HIVEP3: variants seen among roughly 807,000 people sequenced by gnomAD.
HIVEP3 encodes transcription factor HIVEP3.
Under a neutral mutation model 152.8 loss-of-function variants are expected in HIVEP3, and 49 were observed. The ratio of observed to expected loss-of-function variants is 0.32; its 90% CI spans 0.26 to 0.41. HIVEP3 has a LOEUF of 0.41. HIVEP3 is among the 10% of genes least tolerant of loss of function. The probability of loss-of-function intolerance (pLI) is 1.00; values close to 1 mark genes in which losing one functional copy is unlikely to be tolerated. For synonymous variants in HIVEP3, 1,269 were observed against 1,289.0 expected (o/e 0.98, Z 0.33); for missense variants, 2,790 against 3,103.3 (o/e 0.90, Z 2.40).
intron 1 of HIVEP3, among the ~76,000 whole-genome samples, chr1:41,822,418 T>C (rs1340767482): frequency 6.6e-6 from 1 of 152,208 alleles, no homozygotes; most frequent in African/African-American, 2.4e-5. Flanking sequence ...GAGCAGCATA[T>C]GCAGAGATGG....
chr1:41,623,976 T>C (rs1645081379), intron 3 of HIVEP3, among the ~76,000 whole-genome samples: 1 of 152,194 alleles, frequency 6.6e-6, no homozygotes. Context: ...TTCTGCACCT[T>C]TTCTTCAAAG....
At chr1:42,034,493 G>T (rs925072508) in intron 1 of HIVEP3, among the ~76,000 whole-genome samples, 3 of 152,110 alleles carry the variant, frequency 2.0e-5, no homozygotes, top group South Asian at 2.1e-4. Flanking sequence ...CACTACAACG[G>T]CGCCTGATTA....
chr1:41,519,590 C>T, intron 6 of HIVEP3, among the ~76,000 whole-genome samples: 1 of 152,218 alleles, frequency 6.6e-6, no homozygotes, highest in East Asian at 1.9e-4. Flanking sequence ...CATAAGTTCC[C>T]TGAGTCAGGT....
At chr1:41,566,874 A>G (rs1410155775) in intron 5 of HIVEP3, among the ~76,000 whole-genome samples, 1 of 152,130 alleles carries the variant, frequency 6.6e-6, no homozygotes, top group East Asian at 1.9e-4. Context: ...TCCTGGGATC[A>G]GTCCTGGATG....
intron 3 of HIVEP3, among the ~76,000 whole-genome samples, chr1:41,611,600 T>A (rs1337935114): frequency 1.3e-5 from 2 of 151,972 alleles, no homozygotes; most frequent in Non-Finnish European, 2.9e-5. Context: ...AGGCAGGGGG[T>A]CTGCAGTGTG....
At chr1:41,568,731 A>C (rs1467633289) in intron 5 of HIVEP3, among the ~76,000 whole-genome samples, 3 of 152,258 alleles carry the variant, frequency 2.0e-5, no homozygotes, top group Non-Finnish European at 4.4e-5. Flanking sequence ...CCAAGCATCT[A>C]GAAAAATGAA....
intron 2 of HIVEP3, among the ~76,000 whole-genome samples, chr1:41,635,786 A>G (rs1454173157): frequency 6.6e-5 from 10 of 151,742 alleles, no homozygotes; most frequent in African/African-American, 2.4e-4. Flanking sequence ...TGATGTAAAC[A>G]TATACGTGAA....
At chr1:41,976,903 T>C (rs7528843) in intron 1 of HIVEP3, among the ~76,000 whole-genome samples, 88,507 of 152,080 alleles carry the variant, frequency 0.58, 26,138 homozygotes, top group East Asian at 0.71. Flanking sequence ...CACGGCCTTG[T>C]GGACACCTTG....
intron 1 of HIVEP3, among the ~76,000 whole-genome samples, chr1:42,013,327 T>C (rs1320808684): frequency 2.0e-5 from 3 of 152,226 alleles, no homozygotes; most frequent in Non-Finnish European, 4.4e-5. Context: ...CATTCTGAGA[T>C]ACTAGAAGTT....
At chr1:42,022,499 T>A (rs1288246134) in intron 1 of HIVEP3, among the ~76,000 whole-genome samples, 1 of 152,212 alleles carries the variant, frequency 6.6e-6, no homozygotes, top group Non-Finnish European at 1.5e-5. Context: ...TAGCATTATT[T>A]AAATGGTCCA....
rs1644766351 is a variant in HIVEP3, at chr1:41,909,630, G to A, written c.-801+8783C>T. On this transcript the variant is annotated intron_variant, in intron 1 of 8. Coordinates refer to ENST00000372583, the MANE Select transcript of HIVEP3 (RefSeq NM_024503.5). ...ACAACACAGTGAAGAAGCTTGATCT[G>A]ATAGAGTTACATAGAACACTGCATC... Among the ~76,000 whole-genome samples, 4 of 152,156 alleles carry A rather than the reference G, an allele frequency of 2.6e-5. No homozygotes were observed. The South Asian group carries it at 8.3e-4, about 32-fold the overall frequency.
At chr1:41,560,962 G>A (rs958281082) in intron 5 of HIVEP3, among the ~76,000 whole-genome samples, 2 of 152,198 alleles carry the variant, frequency 1.3e-5, no homozygotes, top group African/African-American at 4.8e-5. Flanking sequence ...AAGCTCAGAT[G>A]AGGTCCTTTG....
intron 1 of HIVEP3, among the ~76,000 whole-genome samples, chr1:41,948,900 C>G (rs1434351040): frequency 6.6e-6 from 1 of 152,132 alleles, no homozygotes. Flanking sequence ...TCAGGCCATA[C>G]ATTTCAATCC....
intron 3 of HIVEP3, among the ~76,000 whole-genome samples, chr1:41,596,530 C>T (rs1228401698): frequency 1.4e-4 from 21 of 152,232 alleles, no homozygotes; most frequent in Non-Finnish European, 2.8e-4. Context: ...CTGCCTCCCC[C>T]TGGCCTGGGC....
At chr1:42,014,335 G>A (rs1409617895) in intron 1 of HIVEP3, among the ~76,000 whole-genome samples, 2 of 151,998 alleles carry the variant, frequency 1.3e-5, no homozygotes, top group African/African-American at 4.8e-5. Context: ...GTGAGAGTTC[G>A]GGGAAAGGAG....
At chr1:41,874,014 T>G (rs755739) in intron 1 of HIVEP3, among the ~76,000 whole-genome samples, 132,232 of 152,258 alleles carry the variant, frequency 0.87, 57,747 homozygotes, top group East Asian at 1. Context: ...AGGGGCAGTA[T>G]CCCCAGTGTC....
At chr1:41,588,280 T>C (rs992510095) in intron 3 of HIVEP3, among the ~76,000 whole-genome samples, 2 of 152,186 alleles carry the variant, frequency 1.3e-5, no homozygotes, top group African/African-American at 4.8e-5. Context: ...GATCCTTTCA[T>C]GCAAGGATCT....
chr1:41,607,748 CA>C (rs1434592163), intron 3 of HIVEP3, among the ~76,000 whole-genome samples: 2 of 152,328 alleles, frequency 1.3e-5, no homozygotes, highest in Non-Finnish European at 2.9e-5. Flanking sequence ...GCTCCTATAA[CA>C]AGGACCTAAC....
intron 1 of HIVEP3, among the ~76,000 whole-genome samples, chr1:41,749,173 T>C (rs1020523651): frequency 5.3e-5 from 8 of 152,210 alleles, no homozygotes; most frequent in African/African-American, 1.7e-4. Context: ...TATAAAGGCA[T>C]AAAAAGGTAT....
Sources: allele counts gnomAD v4.1 joint callset (sites outside exome capture counted in the v4.1 genomes callset), GRCh38; gene constraint gnomAD v4.1.1; transcripts MANE v1.5; gene names NCBI Gene and HGNC (gene_info 2026-07-23, HGNC 2026-07-21).